Variants in DAB1 observed in about 807,000 individuals in gnomAD.
DAB1 encodes the protein disabled homolog 1.
In DAB1, 15 loss-of-function variants were observed where a neutral mutation model predicts 64.6. The ratio of observed to expected loss-of-function variants is 0.23; its 90% CI spans 0.16 to 0.36. The LOEUF is 0.36. DAB1 is among the 10% of genes least tolerant of loss of function. The pLI, the probability that DAB1 is intolerant of heterozygous loss-of-function variation, is 1.00. For missense variants in DAB1, 596 were observed against 706.7 expected (o/e 0.84, Z 1.78); for synonymous variants, 235 against 251.9 (o/e 0.93, Z 0.64).
At chr1:58,372,624 C>T (rs1476300348) in intron 3 of DAB1, among the ~76,000 whole-genome samples, 1 of 152,212 alleles carries the variant, frequency 6.6e-6, no homozygotes, top group Non-Finnish European at 1.5e-5. Flanking sequence ...GTCTCTATCT[C>T]TCCACCCAAA....
Position 57,917,923 on chromosome 1 carries a change from C to G in DAB1, n.388-33761G>C, listed in dbSNP as rs150376593. On this transcript the variant is annotated intron_variant and non_coding_transcript_variant, in intron 5 of 20. Coordinates refer to the DAB1 transcript ENST00000485760. ...ATTTTCTAAAAATGTGATTTCCTAG[C>G]CAGGCATGGTGGTGGGAGCCTGTAA... 3.4e-3 allele frequency among the ~76,000 whole-genome samples: 520 copies of G among 152,110 alleles called. 1 individual carries two copies. The highest frequency in any genetic ancestry group is 0.012 in the African/African-American group (485 of 41,518).
At chr1:58,341,074 G>A (rs1643925986) in intron 4 of DAB1, among the ~76,000 whole-genome samples, 1 of 152,048 alleles carries the variant, frequency 6.6e-6, no homozygotes, top group Non-Finnish European at 1.5e-5. Context: ...TAATGTTAGT[G>A]TATTATTCAC....
At chr1:57,027,384 T>G (rs1298148112) in intron 9 of DAB1, among the ~76,000 whole-genome samples, 3 of 152,082 alleles carry the variant, frequency 2.0e-5, no homozygotes, top group African/African-American at 4.8e-5. Context: ...CTATAAAACT[T>G]CCATCCAGCC....
intron 6 of DAB1, among the ~76,000 whole-genome samples, chr1:57,766,668 A>G (rs191860725): frequency 6.6e-6 from 1 of 151,126 alleles, no homozygotes; most frequent in Non-Finnish European, 1.5e-5. Flanking sequence ...TTCTCTAGTC[A>G]TCTAGCGGGT....
In DAB1 at chr1:58,110,240, A is replaced by C. The variant is rs144431867; in HGVS notation, n.387+40271T>G. Reference sequence around the variant, plus strand: ...TGTCACAATGGCATAAAGCAATCTAATATTTTCAAAAAACAAATAAGCAAA... The same window carrying C: ...TGTCACAATGGCATAAAGCAATCTACTATTTTCAAAAAACAAATAAGCAAA... On this transcript the variant is annotated intron_variant and non_coding_transcript_variant, in intron 5 of 20. Transcript: ENST00000485760. 2.6e-3 allele frequency among the ~76,000 whole-genome samples: 390 copies of C among 152,304 alleles called. 4 individuals carry two copies. Among genetic ancestry groups the C allele is most frequent in the Middle Eastern group, 0.017 (5 of 294 alleles).
At chr1:57,978,518 T>A (rs1336582590) in intron 5 of DAB1, among the ~76,000 whole-genome samples, 1 of 152,192 alleles carries the variant, frequency 6.6e-6, no homozygotes, top group Non-Finnish European at 1.5e-5. Flanking sequence ...AAAGACTTCA[T>A]GTCTAGAACA....
intron 2 of DAB1, among the ~76,000 whole-genome samples, chr1:57,243,266 T>A (rs1018570072): frequency 6.6e-6 from 1 of 152,164 alleles, no homozygotes. Context: ...TTATGAGTGG[T>A]CCCTGAAATC....
rs61767386 is a variant in DAB1, at chr1:57,288,240, G to A, written c.67+2724C>T. Among the ~76,000 whole-genome samples the A allele has an allele frequency of 7.4e-3, 1,131 of 152,200 alleles. 30 individuals carry two copies. The East Asian group carries it at 0.079, about 11-fold the overall frequency. ...GCTATATACTTTTCAAGAGCCCCTT[G>A]GGTATAAAACAGAATAAGCAAAAAT... On this transcript the variant is annotated intron_variant, in intron 2 of 14. Transcript: ENST00000371236.
chr1:57,926,063 C>T (rs1027128237), intron 5 of DAB1, among the ~76,000 whole-genome samples: 1 of 152,168 alleles, frequency 6.6e-6, no homozygotes, highest in Non-Finnish European at 1.5e-5. Context: ...GAAGCATGTT[C>T]CCATGGATGG....
chr1:57,031,717 C>T (rs1258431397), intron 9 of DAB1, among the ~76,000 whole-genome samples: 2 of 152,250 alleles, frequency 1.3e-5, no homozygotes, highest in Non-Finnish European at 2.9e-5. Flanking sequence ...ACAACATTCT[C>T]TAACCAGAAA....
intron 4 of DAB1, among the ~76,000 whole-genome samples, chr1:58,299,816 A>G (rs779945374): frequency 1.3e-5 from 2 of 152,132 alleles, no homozygotes; most frequent in African/African-American, 4.8e-5. Flanking sequence ...CTTGCCTACC[A>G]AAGACTGATT....
At chr1:58,073,072 C>T (rs1649374799) in intron 5 of DAB1, among the ~76,000 whole-genome samples, 1 of 152,136 alleles carries the variant, frequency 6.6e-6, no homozygotes, top group Non-Finnish European at 1.5e-5. Context: ...GAAACAGAAG[C>T]TCATAGAAGT....
At chr1:58,081,489 C>T (rs1426253214) in intron 5 of DAB1, among the ~76,000 whole-genome samples, 1 of 152,228 alleles carries the variant, frequency 6.6e-6, no homozygotes, top group Non-Finnish European at 1.5e-5. Context: ...GTGGAGGAAA[C>T]AGAGAAACTG....
chr1:58,253,888 C>T (rs474294), intron 4 of DAB1, among the ~76,000 whole-genome samples: 90,001 of 152,090 alleles, frequency 0.59, 27,631 homozygotes, highest in East Asian at 0.74. Context: ...TGTTTTTCAA[C>T]TGGACAGGCA....
chr1:58,155,261 A>G (rs1279993975), intron 4 of DAB1, among the ~76,000 whole-genome samples: 1 of 152,238 alleles, frequency 6.6e-6, no homozygotes, highest in African/African-American at 2.4e-5. Context: ...ACTCTAGGTC[A>G]GTGGTTCTAA....
chr1:57,261,987 A>G (rs1354389211), intron 2 of DAB1, among the ~76,000 whole-genome samples: 3 of 152,170 alleles, frequency 2.0e-5, no homozygotes, highest in African/African-American at 7.2e-5. Context: ...AGGCACAGCT[A>G]CTGTCTTTAA....
At chr1:57,821,009 C>A (rs937488796) in intron 6 of DAB1, among the ~76,000 whole-genome samples, 2 of 152,164 alleles carry the variant, frequency 1.3e-5, no homozygotes, top group Non-Finnish European at 2.9e-5. Context: ...CTGGCCAACA[C>A]TTTCCACATT....
chr1:57,961,806 T>G (rs1481697370), intron 5 of DAB1, among the ~76,000 whole-genome samples: 2 of 151,416 alleles, frequency 1.3e-5, no homozygotes. Flanking sequence ...CCATCTCTAC[T>G]AAAAAATACA....
rs935766556 is a variant in DAB1 at position 58,494,344 on chromosome 1, G to A, written n.257+11716C>T. Among the ~76,000 whole-genome samples the A allele has an allele frequency of 3.8e-3, 577 of 152,142 alleles. 2 individuals carry two copies. The highest frequency in any genetic ancestry group is 0.013 in the African/African-American group (559 of 41,522). On this transcript the variant is annotated intron_variant and non_coding_transcript_variant, in intron 3 of 20. Coordinates refer to the DAB1 transcript ENST00000485760. ...AAGAAAACCTAGGCAATACCATTCA[G>A]GACATAGGCATGGGCAAGGACTTCA...
Sources: gnomAD v4.1 joint callset for allele counts (sites outside exome capture counted in the v4.1 genomes callset) on GRCh38, gnomAD v4.1.1 for gene constraint, MANE v1.5 for transcripts, NCBI Gene and HGNC (gene_info 2026-07-23, HGNC 2026-07-21) for gene names.